The following LRMDA variants were observed in gnomAD, a reference collection of about 807,000 sequenced individuals.
The protein encoded by LRMDA is leucine rich melanocyte differentiation associated.
LRMDA carries 18 observed loss-of-function variants against 29.8 expected under a neutral mutation model. The ratio of observed to expected loss-of-function variants is 0.60; its 90% CI spans 0.42 to 0.90. LRMDA has a LOEUF of 0.90. Ranked by LOEUF, LRMDA falls within the 40% of genes least tolerant of loss-of-function variation. The pLI is 0.00. For synonymous variants in LRMDA, 125 were observed against 109.4 expected (o/e 1.14, Z -0.89); for missense variants, 273 against 273.9 (o/e 1.00, Z 0.02).
intron 2 of LRMDA, among the ~76,000 whole-genome samples, chr10:75,634,898 A>T (rs1362868747): frequency 3.3e-5 from 5 of 152,214 alleles, no homozygotes; most frequent in Non-Finnish European, 7.3e-5. Flanking sequence ...TTATATGAGG[A>T]AAACTATAAA....
intron 5 of LRMDA, among the ~76,000 whole-genome samples, chr10:76,155,869 C>T (rs1850528011): frequency 6.6e-6 from 1 of 152,132 alleles, no homozygotes; most frequent in Non-Finnish European, 1.5e-5. Flanking sequence ...CTGGAATTGA[C>T]TAGAAATAGG....
At chr10:76,531,731 G>C (rs1843236264) in intron 6 of LRMDA, among the ~76,000 whole-genome samples, 1 of 152,036 alleles carries the variant, frequency 6.6e-6, no homozygotes, top group Non-Finnish European at 1.5e-5. Context: ...GAGGAATATT[G>C]TCCAGTACTT....
At chr10:76,293,409 T>C (rs1840374004) in intron 5 of LRMDA, among the ~76,000 whole-genome samples, 1 of 152,226 alleles carries the variant, frequency 6.6e-6, no homozygotes, top group South Asian at 2.1e-4. Context: ...CCCAAAATGG[T>C]AATTTTGTTG....
At chr10:75,610,157 A>T (rs7080788) in intron 2 of LRMDA, among the ~76,000 whole-genome samples, 92,564 of 152,050 alleles carry the variant, frequency 0.61, 28,346 homozygotes, top group Middle Eastern at 0.66. Context: ...AACCATTTGA[A>T]AGTGCCATGA....
chr10:76,096,655 T>A (rs1001389223), intron 5 of LRMDA, among the ~76,000 whole-genome samples: 1 of 152,198 alleles, frequency 6.6e-6, no homozygotes, highest in African/African-American at 2.4e-5. Flanking sequence ...AAAATTTTGC[T>A]GGGACTTTCA....
At chr10:76,126,151 A>G (rs1316660454) in intron 5 of LRMDA, among the ~76,000 whole-genome samples, 7 of 152,198 alleles carry the variant, frequency 4.6e-5, no homozygotes, top group Admixed American at 4.6e-4. Flanking sequence ...ATGGAGCTTC[A>G]TGAGAAAAGC....
intron 2 of LRMDA, among the ~76,000 whole-genome samples, chr10:76,016,346 AT>A (rs58759646): frequency 4.3e-3 from 616 of 142,892 alleles, no homozygotes; most frequent in Middle Eastern, 0.011. Context: ...AAATACTCTG[AT>A]TTTTTTTTTT....
intron 5 of LRMDA, among the ~76,000 whole-genome samples, chr10:76,128,573 A>C (rs1217436171): frequency 7.9e-5 from 12 of 152,220 alleles, no homozygotes; most frequent in Non-Finnish European, 1.5e-5. Context: ...GCTCAAAGTA[A>C]AGCCATGCAC....
chr10:76,225,427 A>T (rs115183053), intron 5 of LRMDA, among the ~76,000 whole-genome samples: 1,558 of 152,110 alleles, frequency 0.01, 27 homozygotes, highest in African/African-American at 0.032. Context: ...AAAAAAAAAA[A>T]GAAAAGATAT....
In LRMDA at chr10:75,607,486, A is replaced by G. The variant is rs144089700; in HGVS notation, c.131+168992A>G. On this transcript the variant is annotated intron_variant, in intron 2 of 6. Transcript: ENST00000611255. Reference sequence around the variant, plus strand: ...TTCTTATATTGAACTATATTTTTCTATTGATACAGGTGATAATTTTGTAGT... The same window carrying G: ...TTCTTATATTGAACTATATTTTTCTGTTGATACAGGTGATAATTTTGTAGT... Among the ~76,000 whole-genome samples the G allele has an allele frequency of 4.6e-3, 701 of 152,256 alleles. 2 individuals are homozygous for G. The highest frequency in any genetic ancestry group is 0.016 in the African/African-American group (668 of 41,552).
chr10:76,299,617 T>A (rs2132358769), intron 5 of LRMDA, among the ~76,000 whole-genome samples: 1 of 151,356 alleles, frequency 6.6e-6, no homozygotes, highest in Non-Finnish European at 1.5e-5. Flanking sequence ...TTTTTTTTTT[T>A]TATGGGACTC....
chr10:76,130,094 C>G (rs1849959213), intron 5 of LRMDA, among the ~76,000 whole-genome samples: 1 of 148,896 alleles, frequency 6.7e-6, no homozygotes, highest in Admixed American at 6.7e-5. Context: ...ATCTGAACAC[C>G]AGTCACTGTG....
chr10:76,453,205 C>A (rs574328290), intron 6 of LRMDA, among the ~76,000 whole-genome samples: 3 of 152,280 alleles, frequency 2.0e-5, no homozygotes, highest in South Asian at 4.1e-4. Flanking sequence ...TGGGTTGGAT[C>A]CATTGACTCT....
chr10:76,416,203 C>T (rs1421960761), intron 6 of LRMDA, among the ~76,000 whole-genome samples: 2 of 152,098 alleles, frequency 1.3e-5, no homozygotes, highest in Non-Finnish European at 2.9e-5. Flanking sequence ...ATGGAAGTTT[C>T]GGAAAGGAAA....
At chr10:75,733,665 C>T (rs1376462216) in intron 2 of LRMDA, among the ~76,000 whole-genome samples, 1 of 152,130 alleles carries the variant, frequency 6.6e-6, no homozygotes, top group Non-Finnish European at 1.5e-5. Context: ...CTGCTTCTTG[C>T]CGTGCCATTG....
chr10:75,804,597 C>T (rs1843815317), intron 2 of LRMDA, among the ~76,000 whole-genome samples: 1 of 152,240 alleles, frequency 6.6e-6, no homozygotes, highest in Non-Finnish European at 1.5e-5. Flanking sequence ...TGGCTGAGGG[C>T]TCCTCTTCTC....
At chr10:75,802,201 C>G (rs1292793937) in intron 2 of LRMDA, among the ~76,000 whole-genome samples, 1 of 151,806 alleles carries the variant, frequency 6.6e-6, no homozygotes. Flanking sequence ...ACCTGCGATC[C>G]TAGCTACTGA....
At chr10:76,002,001 G>T (rs1227741307) in intron 2 of LRMDA, among the ~76,000 whole-genome samples, 1 of 152,070 alleles carries the variant, frequency 6.6e-6, no homozygotes, top group Non-Finnish European at 1.5e-5. Context: ...TACTCAGCTT[G>T]GGCTGCCATA....
chr10:75,925,523 A>G (rs1381242186), intron 2 of LRMDA, among the ~76,000 whole-genome samples: 1 of 152,154 alleles, frequency 6.6e-6, no homozygotes, highest in African/African-American at 2.4e-5. Context: ...TATGGCCCCA[A>G]TATAATTTTA....
Sources: gnomAD v4.1 joint callset for allele counts (sites outside exome capture counted in the v4.1 genomes callset) on GRCh38, gnomAD v4.1.1 for gene constraint, MANE v1.5 for transcripts, NCBI Gene and HGNC (gene_info 2026-07-23, HGNC 2026-07-21) for gene names.